The following NFIX variants were observed in gnomAD, a reference collection of about 807,000 sequenced individuals.
NFIX encodes the protein nuclear factor 1 X-type.
In NFIX, 2 loss-of-function variants were observed where a neutral mutation model predicts 53.3. The observed-to-expected ratio is 0.04, with a 90% CI of 0.02 to 0.12. The LOEUF (loss-of-function observed/expected upper bound fraction) is 0.12, where lower values mean the gene tolerates loss of function less well. NFIX is among the 10% of genes least tolerant of loss of function. NFIX has a pLI of 1.00. For synonymous variants in NFIX, 244 were observed against 289.0 expected, an observed-to-expected ratio of 0.84 and a Z score of 1.58; for missense variants, 310 against 674.5, an observed-to-expected ratio of 0.46 and a Z score of 5.99.
intron 2 of NFIX, among the ~76,000 whole-genome samples, chr19:13,032,666 G>A (rs764862685): frequency 7.9e-5 from 12 of 152,156 alleles, no homozygotes; most frequent in Non-Finnish European, 1.3e-4. Context: ...GGTTTATAGA[G>A]CAGCTAGGTG....
intron 2 of NFIX, among the ~76,000 whole-genome samples, chr19:13,044,036 G>T (rs1055038214): frequency 3.9e-5 from 6 of 152,166 alleles, no homozygotes; most frequent in African/African-American, 1.4e-4. Context: ...GCCCATGGAA[G>T]CGTAAGTGTC....
intron 2 of NFIX, among the ~76,000 whole-genome samples, chr19:13,039,493 C>T (rs1479311880): frequency 6.6e-6 from 1 of 152,196 alleles, no homozygotes; most frequent in Admixed American, 6.5e-5. Context: ...GCTCTGCTAC[C>T]TTGCCTGTGA....
chr19:13,091,367 TG>T (rs1912741576), intron 10 of NFIX, among the ~76,000 whole-genome samples: 3 of 145,668 alleles, frequency 2.1e-5, no homozygotes, highest in Admixed American at 2.1e-4. Context: ...GGTTTGAGAT[TG>T]TTTTTTTTTT....
rs1049664573 is a variant in NFIX, at chr19:13,078,237, G to A, written c.956-376G>A. Among the ~76,000 whole-genome samples the A allele has an allele frequency of 6.6e-6, 1 of 152,108 alleles. No homozygotes were observed. Among genetic ancestry groups the A allele is most frequent in the Middle Eastern group, 3.2e-3 (1 of 316 alleles). The stretch of plus-strand genomic sequence containing the variant: ...ACCCCTTCCCGGCTCTCAAGCTGGC[G>A]CCCTGGGGTTCCTCCTGCACTCCTT... On this transcript the variant is annotated intron_variant, in intron 6 of 10. Coordinates refer to ENST00000592199, the MANE Select transcript of NFIX (RefSeq NM_001365902.3). The surrounding 1 kb of genome is among the most constrained non-coding windows in gnomAD (Gnocchi z 4.7).
chr19:13,012,620 T>C lies in NFIX; in HGVS notation c.28-12401T>C, dbSNP rs1378155845. Among the ~76,000 whole-genome samples the C allele has an allele frequency of 6.6e-6, 1 of 152,246 alleles. No homozygotes were observed. The highest frequency in any genetic ancestry group is 1.5e-5 in the Non-Finnish European group (1 of 68,046). ...GGGGTTGGGGGTTCAGGGCCGCCTG[T>C]GCCTCAGTTTCTCTCCTCCTGCGCC... On this transcript the variant is annotated intron_variant, in intron 1 of 10. Coordinates refer to ENST00000592199, the MANE Select transcript of NFIX (RefSeq NM_001365902.3). This position sits in a 1 kb window ranked among gnomAD's most constrained non-coding sequence, Gnocchi z 5.0.
chr19:13,013,069 A>T lies in NFIX; in HGVS notation c.28-11952A>T, dbSNP rs2012457382. 6.6e-6 allele frequency among the ~76,000 whole-genome samples: 1 copy of T among 151,224 alleles called. No homozygotes were observed. Among genetic ancestry groups the T allele is most frequent in the Non-Finnish European group, 1.5e-5 (1 of 67,782 alleles). On this transcript the variant is annotated intron_variant, in intron 1 of 10. Coordinates refer to ENST00000592199, the MANE Select transcript of NFIX (RefSeq NM_001365902.3). The surrounding 1 kb of genome is among the most constrained non-coding windows in gnomAD (Gnocchi z 5.9). ...GCGGGGAGTTGCGCAGACTCTAAAA[A>T]AAAAACCTTTAAAAACCCAAAACCT...
rs1367926894 is a variant in NFIX at position 13,037,006 on chromosome 19, G to A, written c.559+11454G>A. ...AATGGATAGGAAGCTTGAGTTGGGG[G>A]TGGGTGCTAAGCCTGGGCTGAACAG... On this transcript the variant is annotated intron_variant, in intron 2 of 10. Coordinates refer to ENST00000592199, the MANE Select transcript of NFIX (RefSeq NM_001365902.3). The surrounding 1 kb of genome is among the most constrained non-coding windows in gnomAD (Gnocchi z 4.2). Among the ~76,000 whole-genome samples the A allele has an allele frequency of 6.6e-6, 1 of 152,148 alleles. No homozygotes were observed. The highest frequency in any genetic ancestry group is 6.5e-5 in the Admixed American group (1 of 15,286).
In NFIX at chr19:13,052,875, C is replaced by T. The variant is rs1193861196; in HGVS notation, c.560-20172C>T. Among the ~76,000 whole-genome samples the T allele has an allele frequency of 6.6e-6, 1 of 152,190 alleles. No individual in the cohort carries two copies. Among genetic ancestry groups the T allele is most frequent in the Non-Finnish European group, 1.5e-5 (1 of 68,042 alleles). On this transcript the variant is annotated intron_variant, in intron 2 of 10. Coordinates refer to ENST00000592199, the MANE Select transcript of NFIX (RefSeq NM_001365902.3). This position sits in a 1 kb window ranked among gnomAD's most constrained non-coding sequence, Gnocchi z 5.2. ...CTGCCTGGCACTGCAGCCCAAGTCC[C>T]CAGGAGTCTGTGTCTTCCCATGTTC...
At chr19:13,063,176 C>G (rs1368094228) in intron 2 of NFIX, among the ~76,000 whole-genome samples, 1 of 152,228 alleles carries the variant, frequency 6.6e-6, no homozygotes, top group African/African-American at 2.4e-5. Flanking sequence ...AGGCAGAGAG[C>G]TTAGGGACCT....
rs972082908 is a variant in NFIX at position 13,089,359 on chromosome 19, G to A, written c.1403-940G>A. 6.6e-6 allele frequency among the ~76,000 whole-genome samples: 1 copy of A among 152,178 alleles called. No individual in the cohort carries two copies. The highest frequency in any genetic ancestry group is 1.5e-5 in the Non-Finnish European group (1 of 68,020). ...TCTGGGGGCATCTTCCCTTCTGGGG[G>A]TGCAGGGCCTGTTCCCTCCAGCAGG... On this transcript the variant is annotated intron_variant, in intron 9 of 10. Coordinates refer to ENST00000592199, the MANE Select transcript of NFIX (RefSeq NM_001365902.3). The surrounding 1 kb of genome is among the most constrained non-coding windows in gnomAD (Gnocchi z 4.8).
At chr19:13,076,837 G>A (rs898996685) in intron 6 of NFIX, among the ~76,000 whole-genome samples, 1 of 152,140 alleles carries the variant, frequency 6.6e-6, no homozygotes, top group Non-Finnish European at 1.5e-5. Flanking sequence ...TCCTCCTCCT[G>A]GGAGGAGGAA....
At chr19:13,044,593 C>T (rs544589951) in intron 2 of NFIX, among the ~76,000 whole-genome samples, 1 of 152,206 alleles carries the variant, frequency 6.6e-6, no homozygotes, top group South Asian at 2.1e-4. Flanking sequence ...GGTATGTAAC[C>T]CCTGGGCCCA....
At chr19:13,065,655 T>G (rs2016357081) in intron 2 of NFIX, among the ~76,000 whole-genome samples, 1 of 152,086 alleles carries the variant, frequency 6.6e-6, no homozygotes, top group Admixed American at 6.5e-5. Context: ...GGCATATCCC[T>G]TCTCTCTCTC....
chr19:13,074,655 G>A (rs1406949034), intron 5 of NFIX, among the ~76,000 whole-genome samples: 1 of 151,804 alleles, frequency 6.6e-6, no homozygotes, highest in Non-Finnish European at 1.5e-5. Context: ...TGGGAGGCAG[G>A]GATGTGGGTT....
Position 13,024,877 on chromosome 19 carries a change from G to C in NFIX, c.28-144G>C, listed in dbSNP as rs1041087769. ...GAACAATCGCAAGAGAAAATTGTTG[G>C]GGGGAGGGAGGAGGAGGAGAAGGCG... On this transcript the variant is annotated intron_variant, in intron 1 of 10. Transcript: ENST00000592199. The C allele has an allele frequency of 3.0e-6, 4 of 1,317,054 alleles. No homozygotes were observed. In the African/African-American group the frequency reaches 5.8e-5, roughly 19 times the overall value. The allele number at this position is 1,317,054 out of a possible 1,614,324, so 81.6% of individuals were successfully genotyped here. A position where few individuals can be genotyped will look rare whatever the true frequency, so the allele number is the denominator to read the frequency against.
chr19:13,013,720 G>C lies in NFIX; in HGVS notation c.28-11301G>C, dbSNP rs1295436141. On this transcript the variant is annotated intron_variant, in intron 1 of 10. Coordinates refer to ENST00000592199, the MANE Select transcript of NFIX (RefSeq NM_001365902.3). The surrounding 1 kb of genome is among the most constrained non-coding windows in gnomAD (Gnocchi z 5.9). ...TTATAAAGCATGTGAGACAGAGGCT[G>C]AATGGTAGAAACAGGCTGTTAAAAA... The C allele has an allele frequency of 1.3e-5, 2 of 151,886 alleles. No homozygotes were observed. The highest frequency in any genetic ancestry group is 2.9e-5 in the Non-Finnish European group (2 of 68,018). The allele number at this position is 151,886 out of a possible 1,614,324, so 9.4% of individuals were successfully genotyped here. A position where few individuals can be genotyped will look rare whatever the true frequency, so the allele number is the denominator to read the frequency against.
At chr19:13,018,250 C>T (rs2012768461) in intron 1 of NFIX, among the ~76,000 whole-genome samples, 1 of 144,574 alleles carries the variant, frequency 6.9e-6, no homozygotes, top group Admixed American at 7.5e-5. Context: ...AGCAGAGGAG[C>T]ATTTGGAGCC....
intron 2 of NFIX, among the ~76,000 whole-genome samples, chr19:13,039,272 C>G (rs1238089645): frequency 1.3e-5 from 2 of 150,602 alleles, no homozygotes; most frequent in Admixed American, 6.6e-5. Flanking sequence ...AGGGTCTGTT[C>G]AAGCCCTGCT....
rs532932256 is a variant in NFIX, at chr19:13,019,182, T to A, written c.28-5839T>A. On this transcript the variant is annotated intron_variant, in intron 1 of 10. Coordinates refer to ENST00000592199, the MANE Select transcript of NFIX (RefSeq NM_001365902.3). ...GCCCTGTCTTAAAATATACAACTTCTTATGCTTCTAGATGTTTCACTATAG... is the reference window on the plus strand; with the variant it reads ...GCCCTGTCTTAAAATATACAACTTCATATGCTTCTAGATGTTTCACTATAG... Among the ~76,000 whole-genome samples, 180 of 152,288 alleles carry A rather than the reference T, an allele frequency of 1.2e-3. 1 individual carries two copies. Among genetic ancestry groups the A allele is most frequent in the South Asian group, 8.3e-3 (40 of 4,828 alleles).
Sources: gnomAD v4.1 joint callset for allele counts (sites outside exome capture counted in the v4.1 genomes callset) on GRCh38, gnomAD v4.1.1 for gene constraint, Gnocchi (gnomAD v3.1) non-coding constraint, MANE v1.5 for transcripts, NCBI Gene and HGNC (gene_info 2026-07-23, HGNC 2026-07-21) for gene names.